Variants in PUS10 observed in about 807,000 individuals in gnomAD.
PUS10 encodes pseudouridine synthase 10, also known as tRNA pseudouridine synthase Pus10.
In PUS10, 59 loss-of-function variants were observed where a neutral mutation model predicts 75.0. The observed-to-expected ratio is 0.79, with a 90% CI of 0.64 to 0.98. The LOEUF is 0.98. Among genes scored for constraint, PUS10 ranks in the 50% least tolerant of loss-of-function variants. PUS10 has a pLI of 0.00. For synonymous variants in PUS10, 219 were observed against 211.6 expected (o/e 1.03, Z -0.30); for missense variants, 650 against 614.4 (o/e 1.06, Z -0.61).
chr2:61,012,570 T>C (rs1276938486), intron 1 of PUS10, among the ~76,000 whole-genome samples: 1 of 150,950 alleles, frequency 6.6e-6, no homozygotes, highest in Non-Finnish European at 1.5e-5. Flanking sequence ...CTCATGCCTG[T>C]AATCCCAGCA....
At chr2:60,951,541 C>G (rs1006101467) in intron 15 of PUS10, among the ~76,000 whole-genome samples, 3 of 152,150 alleles carry the variant, frequency 2.0e-5, no homozygotes, top group African/African-American at 7.2e-5. Context: ...AGCATGCAAC[C>G]TAGATCCCTC....
intron 4 of PUS10, among the ~76,000 whole-genome samples, chr2:60,979,784 G>T (rs761240928): frequency 6.6e-6 from 1 of 152,212 alleles, no homozygotes; most frequent in Non-Finnish European, 1.5e-5. Context: ...TTGGCAATAA[G>T]AACTTTTAGA....
chr2:60,996,655 C>T (rs1159964835), intron 4 of PUS10, among the ~76,000 whole-genome samples: 1 of 152,008 alleles, frequency 6.6e-6, no homozygotes, highest in Non-Finnish European at 1.5e-5. Flanking sequence ...TATCCAGATT[C>T]CAATAAACGG....
chr2:60,961,450 C>A lies in PUS10; in HGVS notation c.874+13G>T. ...GTTCACAGTGTATGTATATTCTAGA[C>A]TAAATATTTTACCAGCCACAAAAAC... On this transcript the variant is annotated intron_variant, in intron 10 of 17. Transcript: ENST00000316752. 6.2e-7 allele frequency: 1 copy of A among 1,603,470 alleles called. No homozygotes were observed. The highest frequency in any genetic ancestry group is 8.5e-7 in the Non-Finnish European group (1 of 1,170,348).
intron 4 of PUS10, among the ~76,000 whole-genome samples, chr2:60,991,250 A>T (rs763346199): frequency 9.9e-5 from 15 of 152,194 alleles, no homozygotes; most frequent in Non-Finnish European, 2.1e-4. Flanking sequence ...ATCCCAGATG[A>T]CAGCTGAAAT....
At chr2:60,971,683 G>A (rs1676672265) in intron 4 of PUS10, 126 bp from the exon 5 acceptor site, 1 of 833,360 alleles carries the variant, frequency 1.2e-6, no homozygotes, top group Non-Finnish European at 2.0e-6. Context: ...TAGGTGACGA[G>A]TTAGTATTCA....
intron 4 of PUS10, among the ~76,000 whole-genome samples, chr2:60,976,856 C>T (rs1677059745): frequency 6.6e-6 from 1 of 152,078 alleles, no homozygotes; most frequent in Admixed American, 6.6e-5. Context: ...TGTTCTGTCC[C>T]TTAGTGAATA....
intron 11 of PUS10, among the ~76,000 whole-genome samples, chr2:60,957,717 ATTG>A (rs1332386075): frequency 6.6e-6 from 1 of 152,138 alleles, no homozygotes; most frequent in East Asian, 1.9e-4. Flanking sequence ...TGCTCTCTGT[ATTG>A]TTGTTGTGAG....
At position 60,944,497 on chromosome 2, in the gene PUS10, T is replaced by A. The variant is rs942761668; in HGVS notation, c.1551+512A>T. On this transcript the variant is annotated intron_variant, in intron 17 of 17. Coordinates refer to ENST00000316752, the MANE Select transcript of PUS10 (RefSeq NM_144709.4). Reference sequence around the variant, plus strand: ...CTCGTGACTCAACACCTATTGATACTCAAATGAAATATTTATGGAGACTTG... The same window carrying A: ...CTCGTGACTCAACACCTATTGATACACAAATGAAATATTTATGGAGACTTG... Among the ~76,000 whole-genome samples, 5 of 152,330 alleles carry A rather than the reference T, an allele frequency of 3.3e-5. No individual in the cohort carries two copies. In the South Asian group the frequency reaches 1.0e-3, roughly 32 times the overall value.
chr2:60,961,514 C>T lies in PUS10; in HGVS notation c.823G>A (p.Val275Ile). 6.2e-7 allele frequency: 1 copy of T among 1,614,172 alleles called. No individual in the cohort carries two copies. The highest frequency in any genetic ancestry group is 8.5e-7 in the Non-Finnish European group (1 of 1,179,994). The change falls in exon 10 of 18, where the codon GTA becomes ATA. Residue 275 changes from valine (V) to isoleucine (I), a missense_variant. Val to Ile is a conservative substitution (Grantham distance 29). Transcript: ENST00000316752. The stretch of plus-strand genomic sequence containing the variant: ...CATTCAATTTCAAGAACAGCGCATA[C>T]AGCCTTTGGTGAGTTTGGAGGACAA... The part of the protein sequence containing the change: ...FPCPPNSPKA[V>I]CAVLEIECAH...
chr2:60,953,881 C>G, intron 14 of PUS10, 52 bp downstream of exon 14: 1 of 1,379,906 alleles, frequency 7.2e-7, no homozygotes, highest in Non-Finnish European at 1.0e-6. Context: ...AGATATGTGA[C>G]CTGCAACTAA....
At chr2:61,012,622 G>A (rs1414170149) in intron 1 of PUS10, among the ~76,000 whole-genome samples, 2 of 148,824 alleles carry the variant, frequency 1.3e-5, no homozygotes, top group Non-Finnish European at 3.0e-5. Context: ...TCAGGAGTTT[G>A]AGACCAGCCT....
At chr2:60,988,777 A>G (rs1479389813) in intron 4 of PUS10, among the ~76,000 whole-genome samples, 1 of 150,856 alleles carries the variant, frequency 6.6e-6, no homozygotes. Context: ...CTGGGATTAC[A>G]AGTGCGCGCC....
intron 4 of PUS10, among the ~76,000 whole-genome samples, chr2:61,001,057 T>C (rs1275026462): frequency 1.3e-5 from 2 of 152,192 alleles, no homozygotes; most frequent in Non-Finnish European, 2.9e-5. Context: ...TTCCTCGACA[T>C]AAAGGACAGA....
At chr2:60,960,584 A>G in intron 10 of PUS10, 67 bp from the exon 11 acceptor site, 8 of 1,447,418 alleles carry the variant, frequency 5.5e-6, no homozygotes, top group Non-Finnish European at 7.4e-6. Flanking sequence ...TAAAAAGAGA[A>G]GCAACAACTA....
intron 4 of PUS10, among the ~76,000 whole-genome samples, chr2:60,995,730 T>A (rs1191397402): frequency 6.6e-6 from 1 of 151,688 alleles, no homozygotes. Context: ...CATCTTGTAT[T>A]TTTTTTTATT....
chr2:60,955,144 G>T (rs1675570737), intron 11 of PUS10, 70 bp from the exon 12 acceptor site: 1 of 951,194 alleles, frequency 1.1e-6, no homozygotes, highest in Non-Finnish European at 1.6e-6. Context: ...CCCAACCTTT[G>T]CTAGAAACCC....
At chr2:60,948,418 C>A (rs1221991937) in intron 15 of PUS10, among the ~76,000 whole-genome samples, 2 of 152,092 alleles carry the variant, frequency 1.3e-5, no homozygotes, top group South Asian at 2.1e-4. Flanking sequence ...GATAGAGATG[C>A]GGTTTCACCA....
intron 4 of PUS10, chr2:60,998,972 C>G (rs1678666152): frequency 6.6e-6 from 1 of 152,252 alleles, no homozygotes; most frequent in South Asian, 2.1e-4. Context: ...AAACTCCAAC[C>G]ATATCAAGTT....
Sources: gnomAD v4.1 joint callset for allele counts (sites outside exome capture counted in the v4.1 genomes callset) on GRCh38, gnomAD v4.1.1 for gene constraint, MANE v1.5 for transcripts, NCBI Gene and HGNC (gene_info 2026-07-23, HGNC 2026-07-21) for gene names.